Variants in LIMCH1 observed in about 807,000 individuals in gnomAD.
LIMCH1 encodes the protein LIM and calponin homology domains-containing protein 1.
Under a neutral mutation model 176.5 loss-of-function variants are expected in LIMCH1, and 113 were observed. That is an observed-to-expected ratio of 0.64 (90% CI 0.55 to 0.75). LIMCH1 has a LOEUF of 0.75. Ranked by LOEUF, LIMCH1 falls within the 30% of genes least tolerant of loss-of-function variation. LIMCH1 has a pLI of 0.00. For missense variants in LIMCH1, 1,674 were observed against 1,814.9 expected (o/e 0.92, Z 1.41); for synonymous variants, 619 against 645.9 (o/e 0.96, Z 0.63).
chr4:41,360,459 A>G (rs2051824223), upstream of LIMCH1, among the ~76,000 whole-genome samples: 1 of 151,964 alleles, frequency 6.6e-6, no homozygotes, highest in Non-Finnish European at 1.5e-5. The surrounding 1 kb of genome is among the most constrained non-coding windows in gnomAD (Gnocchi z 4.5). Flanking sequence ...CGGGGCGGCC[A>G]GCGGATTCCC....
intron 29 of LIMCH1, 105 bp downstream of exon 29, chr4:41,688,022 T>C (rs1288495249): frequency 9.2e-6 from 8 of 867,210 alleles, no homozygotes; most frequent in Non-Finnish European, 1.5e-5. Context: ...TTGAGGGATG[T>C]GTCCATCCAC....
At chr4:41,502,782 G>A (rs1437834913) in intron 2 of LIMCH1, among the ~76,000 whole-genome samples, 3 of 151,894 alleles carry the variant, frequency 2.0e-5, no homozygotes, top group Non-Finnish European at 4.4e-5. Context: ...TGGTGGTCGG[G>A]TTGGGGGTTG....
At chr4:41,534,968 C>T (rs912004806), upstream of LIMCH1, among the ~76,000 whole-genome samples, 17 of 151,988 alleles carry the variant, frequency 1.1e-4, no homozygotes, top group African/African-American at 3.9e-4. Context: ...CAAGACCAGC[C>T]TAGGCAACAT....
At chr4:41,664,055 A>G (rs2094732175) in intron 20 of LIMCH1, among the ~76,000 whole-genome samples, 1 of 151,252 alleles carries the variant, frequency 6.6e-6, no homozygotes, top group African/African-American at 2.4e-5. Flanking sequence ...CAAACAAACA[A>G]AACAATCCAA....
chr4:41,515,682 GCGTAAATAA>G (rs1291318752), intron 2 of LIMCH1, among the ~76,000 whole-genome samples: 1 of 152,234 alleles, frequency 6.6e-6, no homozygotes. Context: ...GATGTCAAAT[GCGTAAATAA>G]CTTGTCTAGT....
intron 1 of LIMCH1, among the ~76,000 whole-genome samples, chr4:41,428,331 G>A (rs953407034): frequency 3.3e-5 from 5 of 152,134 alleles, no homozygotes; most frequent in Non-Finnish European, 5.9e-5. Context: ...TACCTCCTCC[G>A]TGCTATCATG....
At chr4:41,563,110 G>A (rs1481700263) in intron 1 of LIMCH1, among the ~76,000 whole-genome samples, 1 of 152,136 alleles carries the variant, frequency 6.6e-6, no homozygotes, top group African/African-American at 2.4e-5. Context: ...AATAGTTGAA[G>A]GTTCATAGCA....
In LIMCH1 at chr4:41,636,958, C is replaced by G. The variant is rs115613138; in HGVS notation, c.2091-1974C>G. Among the ~76,000 whole-genome samples the G allele has an allele frequency of 2.0e-3, 304 of 152,260 alleles. 2 individuals are homozygous for G. Among genetic ancestry groups the G allele is most frequent in the Non-Finnish European group, 3.0e-3 (205 of 68,018 alleles). On this transcript the variant is annotated intron_variant, in intron 13 of 31. Transcript: ENST00000503057. ...GTGCACTTTCTGTATATAGCTTAAA[C>G]TTCAATAAAATGTTAATTAAAATAT...
chr4:41,682,672 CTTCTT>C (rs1717038849), intron 26 of LIMCH1, among the ~76,000 whole-genome samples: 1 of 139,932 alleles, frequency 7.1e-6, no homozygotes, highest in Non-Finnish European at 1.6e-5. Flanking sequence ...TTTTTTTCTT[CTTCTT>C]CTTTTTTTTT....
At chr4:41,585,106 A>G (rs568862782) in intron 1 of LIMCH1, among the ~76,000 whole-genome samples, 86 of 152,310 alleles carry the variant, frequency 5.6e-4, no homozygotes, top group African/African-American at 2.0e-3. Context: ...CATCACATTG[A>G]TCGGCACAAA....
At chr4:41,665,842 A>G (rs1441235825) in intron 20 of LIMCH1, among the ~76,000 whole-genome samples, 2 of 152,340 alleles carry the variant, frequency 1.3e-5, no homozygotes, top group East Asian at 3.9e-4. Flanking sequence ...GGTCATTCAT[A>G]TTAGGGAGAA....
chr4:41,437,275 A>T (rs1157232090), intron 1 of LIMCH1, among the ~76,000 whole-genome samples: 6 of 152,348 alleles, frequency 3.9e-5, no homozygotes, highest in Middle Eastern at 3.4e-3. Context: ...TCACTCAACT[A>T]GTGAAACAGG....
intron 1 of LIMCH1, among the ~76,000 whole-genome samples, chr4:41,434,123 T>C (rs1398291950): frequency 6.6e-6 from 1 of 152,186 alleles, no homozygotes; most frequent in East Asian, 1.9e-4. Flanking sequence ...TCTCAGCTCC[T>C]GTGTGATGGC....
intron 2 of LIMCH1, among the ~76,000 whole-genome samples, chr4:41,515,218 G>A (rs976839908): frequency 2.0e-5 from 3 of 152,220 alleles, no homozygotes; most frequent in Admixed American, 6.5e-5. Flanking sequence ...CTGTGGCTGC[G>A]GTGATCACGC....
In LIMCH1 at chr4:41,598,638, A is replaced by G. The variant is rs1184020657; in HGVS notation, c.-240-282A>G. 2.6e-5 allele frequency among the ~76,000 whole-genome samples: 4 copies of G among 152,318 alleles called. No individual in the cohort carries two copies. The South Asian group carries it at 6.2e-4, about 24-fold the overall frequency. On this transcript the variant is annotated intron_variant, in intron 1 of 31. Transcript: ENST00000503057. ...CCTGTTTTTGAGTACAGTTCCCCCTAACAATGCTAAGTTTTCCTTTTTAAT... is the reference window on the plus strand; with the variant it reads ...CCTGTTTTTGAGTACAGTTCCCCCTGACAATGCTAAGTTTTCCTTTTTAAT...
intron 3 of LIMCH1, among the ~76,000 whole-genome samples, chr4:41,605,568 T>C (rs1021080135): frequency 1.3e-5 from 2 of 152,204 alleles, no homozygotes; most frequent in Non-Finnish European, 1.5e-5. Flanking sequence ...TTTTGAAAAA[T>C]TGTGAAACCT....
chr4:41,458,888 C>G (rs987551062), intron 1 of LIMCH1, among the ~76,000 whole-genome samples: 1 of 151,304 alleles, frequency 6.6e-6, no homozygotes, highest in African/African-American at 2.4e-5. Context: ...AAATAGTGTA[C>G]TTGAGTGGAA....
chr4:41,604,988 G>A (rs1316264453), intron 3 of LIMCH1, among the ~76,000 whole-genome samples: 1 of 152,074 alleles, frequency 6.6e-6, no homozygotes, highest in African/African-American at 2.4e-5. Flanking sequence ...CAGACTGGCT[G>A]AAGCGATAAG....
chr4:41,689,713 T>C (rs1723870754), intron 30 of LIMCH1, 78 bp downstream of exon 30: 1 of 888,892 alleles, frequency 1.1e-6, no homozygotes, highest in Admixed American at 1.8e-5. Flanking sequence ...AAAATGCCTC[T>C]TGGAAATTCT....
Sources: allele counts gnomAD v4.1 joint callset (sites outside exome capture counted in the v4.1 genomes callset), GRCh38; gene constraint gnomAD v4.1.1; non-coding constraint Gnocchi (gnomAD v3.1); transcripts MANE v1.5; gene names NCBI Gene and HGNC (gene_info 2026-07-23, HGNC 2026-07-21).